The following PLEKHH1 variants were observed in gnomAD, a reference collection of about 807,000 sequenced individuals.
PLEKHH1 encodes pleckstrin homology domain-containing family H member 1.
Under a neutral mutation model 160.0 loss-of-function variants are expected in PLEKHH1, and 104 were observed. That is an observed-to-expected ratio of 0.65 (90% confidence interval 0.55 to 0.76). PLEKHH1 has a LOEUF of 0.76. Among genes scored for constraint, PLEKHH1 ranks in the 30% least tolerant of loss-of-function variants. The pLI, the probability that PLEKHH1 is intolerant of heterozygous loss-of-function variation, is 0.00. For missense variants in PLEKHH1, 1,427 were observed against 1,724.1 expected, an observed-to-expected ratio of 0.83 and a Z score of 3.05; for synonymous variants, 619 against 678.4, an observed-to-expected ratio of 0.91 and a Z score of 1.36.
At position 67,586,808 on chromosome 14, in the gene PLEKHH1, A is replaced by G. The variant is rs1246090821; in HGVS notation, c.3934-266A>G. 7 of 1,429,102 alleles carry G rather than the reference A, an allele frequency of 4.9e-6. No individual in the cohort carries two copies. The South Asian group carries it at 8.7e-5, about 18-fold the overall frequency. The allele number at this position is 1,429,102 out of a possible 1,614,324, so 88.5% of individuals were successfully genotyped here. On this transcript the variant is annotated intron_variant, in intron 28 of 28. Coordinates refer to ENST00000329153, the MANE Select transcript of PLEKHH1 (RefSeq NM_020715.3). ...TTAAGAAGGCCCCTTCCCTGGTTGTAGAGCTAACCAGAGCAGAACACTGGG... is the reference window on the plus strand; with the variant it reads ...TTAAGAAGGCCCCTTCCCTGGTTGTGGAGCTAACCAGAGCAGAACACTGGG...
Position 67,578,211 on chromosome 14 carries a change from AG to A in PLEKHH1, c.2751+16del. The A allele has an allele frequency of 6.2e-7, 1 of 1,610,798 alleles. No individual in the cohort carries two copies. Among genetic ancestry groups the A allele is most frequent in the Non-Finnish European group, 8.5e-7 (1 of 1,177,618 alleles). On this transcript the variant is annotated intron_variant, in intron 19 of 28. Coordinates refer to ENST00000329153, the MANE Select transcript of PLEKHH1 (RefSeq NM_020715.3). This position sits in a 1 kb window ranked among gnomAD's most constrained non-coding sequence, Gnocchi z 5.0. Reference sequence around the variant, plus strand: ...ACTCCCTCATGCAGGTAGGCATGCCAGGGGTGGAGCAGCTGACAGAAGCCAT... The same window carrying A: ...ACTCCCTCATGCAGGTAGGCATGCCAGGGTGGAGCAGCTGACAGAAGCCAT...
chr14:67,538,592 G>C (rs1243407094), intron 1 of PLEKHH1, among the ~76,000 whole-genome samples: 1 of 152,134 alleles, frequency 6.6e-6, no homozygotes, highest in African/African-American at 2.4e-5. Flanking sequence ...TTTTATAGCT[G>C]TTGCTCTGAC....
chr14:67,577,444 C>A, intron 18 of PLEKHH1, 30 bp downstream of exon 18: 1 of 1,350,754 alleles, frequency 7.4e-7, no homozygotes. Flanking sequence ...AGGCCCACCG[C>A]TGGGATACTT....
Position 67,578,733 on chromosome 14 carries a change from C to G in PLEKHH1, c.2849+102C>G. 2.6e-6 allele frequency: 2 copies of G among 775,054 alleles called. No homozygotes were observed. The highest frequency in any genetic ancestry group is 4.5e-6 in the Non-Finnish European group (2 of 444,734). The allele number at this position is 775,054 out of a possible 1,614,324, so 48.0% of individuals were successfully genotyped here. Reference sequence around the variant, plus strand: ...TAGGGCAGACCAGATCACTCCTGTCCTCTGAAACCGCTCAGTGGTCGTGGA... The same window carrying G: ...TAGGGCAGACCAGATCACTCCTGTCGTCTGAAACCGCTCAGTGGTCGTGGA... On this transcript the variant is annotated intron_variant, in intron 20 of 28. Transcript: ENST00000329153. The surrounding 1 kb of genome is among the most constrained non-coding windows in gnomAD (Gnocchi z 5.0).
intron 3 of PLEKHH1, among the ~76,000 whole-genome samples, 200 bp from the exon 4 acceptor site, chr14:67,557,069 A>T (rs2034623673): frequency 6.6e-6 from 1 of 152,228 alleles, no homozygotes; most frequent in African/African-American, 2.4e-5. Flanking sequence ...AGAGTGGCCA[A>T]AATGAGTTTC....
chr14:67,564,960 G>C (rs2035021203), intron 7 of PLEKHH1, among the ~76,000 whole-genome samples: 1 of 152,062 alleles, frequency 6.6e-6, no homozygotes. Flanking sequence ...CAAAGTGCTG[G>C]GATTACGGGT....
In PLEKHH1 at chr14:67,587,084, C is replaced by G; in HGVS notation, c.3944C>G (p.Ala1315Gly). 1 of 1,605,568 alleles carries G rather than the reference C, an allele frequency of 6.2e-7. No individual in the cohort carries two copies. Among genetic ancestry groups the G allele is most frequent in the East Asian group, 2.2e-5 (1 of 44,736 alleles). The change falls in exon 29 of 29, where the codon GCT (alanine) becomes GGT (glycine). Residue 1315 changes from alanine (A) to glycine (G), a missense_variant. Physicochemically the swap from Ala to Gly is moderately conservative, Grantham distance 60. Coordinates refer to ENST00000329153, the MANE Select transcript of PLEKHH1 (RefSeq NM_020715.3). ...FRMAAPKIAE[A>G]TFIMASYMNH... is the part of the protein sequence containing the mutation. ...CTGACCTCCTCTTAGATTGCAGAAG[C>G]TACCTTCATCATGGCCAGCTATATG...
In PLEKHH1 at chr14:67,589,510, A is replaced by G; in HGVS notation, c.*2275A>G. On this transcript the variant is annotated 3_prime_UTR_variant, in exon 29 of 29. Transcript: ENST00000329153. Reference sequence around the variant, plus strand: ...AAATACTATGATCTTGTTTGTCAATAAAAAGCAGCTATCTGTGAACCAGGT... The same window carrying G: ...AAATACTATGATCTTGTTTGTCAATGAAAAGCAGCTATCTGTGAACCAGGT... The G allele has an allele frequency of 1.0e-6, 1 of 985,236 alleles. No homozygotes were observed. The highest frequency in any genetic ancestry group is 1.2e-6 in the Non-Finnish European group (1 of 829,740). 61.0% of individuals were successfully genotyped at this position (985,236 alleles called of 1,614,324 possible).
intron 7 of PLEKHH1, among the ~76,000 whole-genome samples, chr14:67,565,634 T>A (rs958166855): frequency 7.9e-5 from 12 of 152,164 alleles, no homozygotes; most frequent in African/African-American, 2.9e-4. Context: ...CTTTGATTCA[T>A]GGGCAGACAT....
intron 2 of PLEKHH1, among the ~76,000 whole-genome samples, chr14:67,554,394 G>T (rs1272917510): frequency 6.6e-6 from 1 of 152,222 alleles, no homozygotes; most frequent in Admixed American, 6.5e-5. Context: ...TTAGAGAGGA[G>T]GTTGGGCTGG....
Position 67,589,234 on chromosome 14 carries a change from C to A in PLEKHH1, c.*1999C>A. On this transcript the variant is annotated 3_prime_UTR_variant, in exon 29 of 29. Transcript: ENST00000329153. ...TTGGGGTCAATCTATTTCCCCCACC[C>A]TCTCTCCTCCCCAACCCTTCAGGAA... 3 of 517,600 alleles carry A rather than the reference C, an allele frequency of 5.8e-6. No individual in the cohort carries two copies. The highest frequency in any genetic ancestry group is 7.5e-6 in the Non-Finnish European group (3 of 402,366). The allele number at this position is 517,600 out of a possible 1,614,324, so 32.1% of individuals were successfully genotyped here.
Position 67,589,487 on chromosome 14 carries a change from A to C in PLEKHH1, c.*2252A>C. ...TAATGTGCTTGACACCATGACTGAA[A>C]TACTATGATCTTGTTTGTCAATAAA... On this transcript the variant is annotated 3_prime_UTR_variant, in exon 29 of 29. Coordinates refer to ENST00000329153, the MANE Select transcript of PLEKHH1 (RefSeq NM_020715.3). 1.0e-5 allele frequency: 10 copies of C among 985,204 alleles called. No homozygotes were observed. Among genetic ancestry groups the C allele is most frequent in the African/African-American group, 1.7e-5 (1 of 57,358 alleles). 61.0% of individuals were successfully genotyped at this position (985,204 alleles called of 1,614,324 possible).
rs2035537877 is a variant in PLEKHH1 at position 67,574,536 on chromosome 14, G to A, written c.2088+133G>A. Reference sequence around the variant, plus strand: ...TCTGGGAGCCTCCTCACAGTGACTCGCTGGCCAGCCCTCAAACGTGGTCTG... The same window carrying A: ...TCTGGGAGCCTCCTCACAGTGACTCACTGGCCAGCCCTCAAACGTGGTCTG... On this transcript the variant is annotated intron_variant, in intron 14 of 28. Coordinates refer to ENST00000329153, the MANE Select transcript of PLEKHH1 (RefSeq NM_020715.3). This position sits in a 1 kb window ranked among gnomAD's most constrained non-coding sequence, Gnocchi z 4.2. 7.5e-6 allele frequency: 5 copies of A among 666,354 alleles called. No individual in the cohort carries two copies. The highest frequency in any genetic ancestry group is 5.7e-5 in the South Asian group (2 of 35,392). 41.3% of individuals were successfully genotyped at this position (666,354 alleles called of 1,614,324 possible). A position where few individuals can be genotyped will look rare whatever the true frequency, so the allele number is the denominator to read the frequency against.
chr14:67,565,785 A>T (rs1031977865), intron 7 of PLEKHH1, among the ~76,000 whole-genome samples: 2 of 151,826 alleles, frequency 1.3e-5, no homozygotes, highest in African/African-American at 4.8e-5. Context: ...TGCTCGGGAG[A>T]CCTGTATTTC....
At chr14:67,541,629 G>C (rs1453446838) in intron 1 of PLEKHH1, among the ~76,000 whole-genome samples, 2 of 152,192 alleles carry the variant, frequency 1.3e-5, no homozygotes, top group Non-Finnish European at 2.9e-5. Flanking sequence ...GAGGCTCTCA[G>C]CTAACTTACA....
At position 67,578,057 on chromosome 14, in the gene PLEKHH1, C is replaced by G; in HGVS notation, c.2609C>G (p.Ala870Gly). Residue 870 changes from alanine to glycine, a missense_variant, in exon 19 of 29, where the codon GCT becomes GGT. Coordinates refer to ENST00000329153, the MANE Select transcript of PLEKHH1 (RefSeq NM_020715.3). This position sits in a 1 kb window ranked among gnomAD's most constrained non-coding sequence, Gnocchi z 5.0. ...CTCTTCATCAACGTGCCGGTGGAAG[C>G]TGCCTCGGTGGACTACCATGTGTCC... ...CQLFINVPVE[A>G]ASVDYHVSLA... 1 of 1,613,976 alleles carries G rather than the reference C, an allele frequency of 6.2e-7. No individual in the cohort carries two copies. Among genetic ancestry groups the G allele is most frequent in the Non-Finnish European group, 8.5e-7 (1 of 1,179,866 alleles).
intron 2 of PLEKHH1, among the ~76,000 whole-genome samples, chr14:67,552,985 A>G (rs1033182971): frequency 2.6e-5 from 4 of 152,200 alleles, no homozygotes; most frequent in African/African-American, 9.6e-5. Flanking sequence ...GTTGTCAATA[A>G]CAGAGCGATT....
chr14:67,568,864 C>CTGT (rs1263024920), intron 7 of PLEKHH1, among the ~76,000 whole-genome samples: 9 of 152,170 alleles, frequency 5.9e-5, no homozygotes, highest in Non-Finnish European at 1.3e-4. Context: ...AGAGAGGGAA[C>CTGT]TGTTGGGCAC....
chr14:67,581,965 A>T (rs2035921682), intron 23 of PLEKHH1, 104 bp from the exon 24 acceptor site: 3 of 1,145,726 alleles, frequency 2.6e-6, no homozygotes, highest in Admixed American at 4.8e-5. Context: ...TAGTGGGAAA[A>T]GAGTACTTTA....
Sources: gnomAD v4.1 joint callset for allele counts (sites outside exome capture counted in the v4.1 genomes callset) on GRCh38, gnomAD v4.1.1 for gene constraint, Gnocchi (gnomAD v3.1) non-coding constraint, MANE v1.5 for transcripts, NCBI Gene and HGNC (gene_info 2026-07-23, HGNC 2026-07-21) for gene names.